GRM7: variants seen among roughly 807,000 people sequenced by gnomAD.
GRM7 encodes the protein glutamate metabotropic receptor 7, also known as metabotropic glutamate receptor 7.
In GRM7, 35 loss-of-function variants were observed where a neutral mutation model predicts 84.5. The ratio of observed to expected loss-of-function variants is 0.41; its 90% CI spans 0.32 to 0.55. The LOEUF is 0.55. Among genes scored for constraint, GRM7 ranks in the 20% least tolerant of loss-of-function variants. The probability of loss-of-function intolerance (pLI) is 0.19; values close to 1 mark genes in which losing one functional copy is unlikely to be tolerated. For missense variants in GRM7, 1,003 were observed against 1,194.6 expected (o/e 0.84, Z 2.36); for synonymous variants, 487 against 455.1 (o/e 1.07, Z -0.89).
chr3:7,605,235 T>A (rs1475904298), intron 8 of GRM7, among the ~76,000 whole-genome samples: 1 of 152,082 alleles, frequency 6.6e-6, no homozygotes, highest in Non-Finnish European at 1.5e-5. Flanking sequence ...AAACAAAAGC[T>A]CTCTGTAGAT....
chr3:6,883,347 A>C (rs948874663), intron 1 of GRM7, among the ~76,000 whole-genome samples: 15 of 152,096 alleles, frequency 9.9e-5, no homozygotes, highest in African/African-American at 3.6e-4. Context: ...TCTCATGTTT[A>C]TAGAAATTCT....
chr3:7,068,565 T>C (rs1176915788), intron 1 of GRM7, among the ~76,000 whole-genome samples: 2 of 152,050 alleles, frequency 1.3e-5, no homozygotes, highest in Admixed American at 1.3e-4. Flanking sequence ...TTTACTGTGG[T>C]TGATTTCCAC....
intron 4 of GRM7, among the ~76,000 whole-genome samples, chr3:7,333,235 CCA>C (rs1701278526): frequency 6.6e-6 from 1 of 152,188 alleles, no homozygotes; most frequent in Non-Finnish European, 1.5e-5. Flanking sequence ...CCAAAGACTC[CCA>C]CAGAGTCCAC....
intron 7 of GRM7, among the ~76,000 whole-genome samples, chr3:7,505,474 C>T (rs913528912): frequency 6.6e-6 from 1 of 152,224 alleles, no homozygotes; most frequent in African/African-American, 2.4e-5. Context: ...GGTCTCTCTG[C>T]AGTAACTCTA....
At chr3:7,472,348 G>C (rs970933137) in intron 7 of GRM7, among the ~76,000 whole-genome samples, 1 of 122,060 alleles carries the variant, frequency 8.2e-6, no homozygotes, top group East Asian at 1.9e-4. Context: ...TGTTATGAAT[G>C]TGTAAATAGG....
chr3:7,547,152 G>A (rs948394078), intron 7 of GRM7, among the ~76,000 whole-genome samples: 2 of 149,550 alleles, frequency 1.3e-5, no homozygotes, highest in Middle Eastern at 3.3e-3. Flanking sequence ...AGAAAGCCCC[G>A]GCACAGTGGC....
intron 7 of GRM7, among the ~76,000 whole-genome samples, chr3:7,492,904 AT>A (rs771353643): frequency 8.6e-5 from 13 of 151,650 alleles, no homozygotes; most frequent in African/African-American, 2.7e-4. Context: ...CTTCCATGAT[AT>A]TTTTTTTCCT....
At chr3:7,160,633 G>A (rs751445523) in intron 2 of GRM7, among the ~76,000 whole-genome samples, 29 of 152,120 alleles carry the variant, frequency 1.9e-4, no homozygotes, top group South Asian at 6.2e-4. Flanking sequence ...ACTGAGAAAG[G>A]AGTTAGATTT....
chr3:7,040,147 A>C (rs1311193503), intron 1 of GRM7, among the ~76,000 whole-genome samples: 3 of 152,190 alleles, frequency 2.0e-5, no homozygotes, highest in Non-Finnish European at 4.4e-5. Flanking sequence ...CTCGAAGTTC[A>C]AATTTAGTGA....
chr3:7,261,631 T>C (rs1226346131), intron 2 of GRM7, among the ~76,000 whole-genome samples: 10 of 152,214 alleles, frequency 6.6e-5, no homozygotes, highest in Non-Finnish European at 1.5e-4. Context: ...TTTGATCCTG[T>C]CATTATGTTA....
rs994438591 is a variant in GRM7 at position 7,179,740 on chromosome 3, G to T, written c.736+33072G>T. Among the ~76,000 whole-genome samples, 103 of 152,184 alleles carry T rather than the reference G, an allele frequency of 6.8e-4. 1 individual carries two copies. The highest frequency in any genetic ancestry group is 2.6e-4 in the Non-Finnish European group (18 of 68,038). On this transcript the variant is annotated intron_variant, in intron 2 of 9. Transcript: ENST00000357716. The stretch of plus-strand genomic sequence containing the variant: ...TATAGCATTGAGTAAGAAGTGCAAT[G>T]CTTGTCTTAAACTTTGTACATGCCA...
chr3:6,864,727 T>G (rs1012836284), intron 1 of GRM7, among the ~76,000 whole-genome samples: 3 of 152,154 alleles, frequency 2.0e-5, no homozygotes, highest in African/African-American at 4.8e-5. Context: ...AAGGAATACT[T>G]AGCGACTTAA....
At chr3:7,398,424 C>G (rs1695304782) in intron 4 of GRM7, among the ~76,000 whole-genome samples, 1 of 152,060 alleles carries the variant, frequency 6.6e-6, no homozygotes, top group East Asian at 1.9e-4. Flanking sequence ...ATTAGAGAAA[C>G]AAACCTTAGC....
intron 1 of GRM7, among the ~76,000 whole-genome samples, chr3:6,920,578 T>A (rs1421804406): frequency 6.6e-6 from 1 of 151,726 alleles, no homozygotes; most frequent in Non-Finnish European, 1.5e-5. Flanking sequence ...AAATGATGAT[T>A]GATGACTTTT....
chr3:7,079,407 T>C (rs1698205463), intron 1 of GRM7, among the ~76,000 whole-genome samples: 1 of 152,176 alleles, frequency 6.6e-6, no homozygotes, highest in Non-Finnish European at 1.5e-5. Context: ...AAGTCCAAGA[T>C]AGGATTAAAA....
At chr3:6,947,771 G>A (rs1411716615) in intron 1 of GRM7, among the ~76,000 whole-genome samples, 2 of 152,088 alleles carry the variant, frequency 1.3e-5, no homozygotes, top group Non-Finnish European at 2.9e-5. Flanking sequence ...CTTCTTCCTG[G>A]TTTAGTCTTG....
chr3:7,421,729 A>G (rs1239338714), intron 5 of GRM7, among the ~76,000 whole-genome samples: 1 of 151,894 alleles, frequency 6.6e-6, no homozygotes, highest in Non-Finnish European at 1.5e-5. Flanking sequence ...TCCAGGTACA[A>G]CTGTGGTTTT....
intron 8 of GRM7, among the ~76,000 whole-genome samples, chr3:7,674,673 C>G (rs138192889): frequency 6.6e-6 from 1 of 152,132 alleles, no homozygotes; most frequent in Admixed American, 6.5e-5. Flanking sequence ...TAATTATAGT[C>G]ACCATGTTGT....
intron 7 of GRM7, among the ~76,000 whole-genome samples, chr3:7,483,748 G>T (rs1421737031): frequency 6.6e-6 from 1 of 151,982 alleles, no homozygotes; most frequent in Non-Finnish European, 1.5e-5. Context: ...TTCCAGATGA[G>T]AGATAGATAT....
Sources: gnomAD v4.1 joint callset for allele counts (sites outside exome capture counted in the v4.1 genomes callset) on GRCh38, gnomAD v4.1.1 for gene constraint, MANE v1.5 for transcripts, NCBI Gene and HGNC (gene_info 2026-07-23, HGNC 2026-07-21) for gene names.